The following CNGB3 variants were observed in gnomAD, a reference collection of about 807,000 sequenced individuals.
CNGB3 encodes the protein cyclic nucleotide-gated channel beta-3.
In CNGB3, 86 loss-of-function variants were observed where a neutral mutation model predicts 92.8. That is an observed-to-expected ratio of 0.93 (90% CI 0.78 to 1.11). The LOEUF is 1.11. Ranked by LOEUF, CNGB3 falls within the 50% of genes least tolerant of loss-of-function variation. The pLI, the probability that CNGB3 is intolerant of heterozygous loss-of-function variation, is 0.00. For synonymous variants in CNGB3, 333 were observed against 332.7 expected (o/e 1.00, Z -0.01); for missense variants, 1,026 against 956.8 (o/e 1.07, Z -0.95).
chr8:86,615,347 G>C (rs114113069), intron 13 of CNGB3, among the ~76,000 whole-genome samples: 1 of 152,104 alleles, frequency 6.6e-6, no homozygotes, highest in East Asian at 1.9e-4. Context: ...GCTCACACCT[G>C]TAATCCCAGA....
At chr8:86,586,671 A>AT (rs1018402837) in intron 15 of CNGB3, among the ~76,000 whole-genome samples, 4 of 151,128 alleles carry the variant, frequency 2.6e-5, no homozygotes, top group South Asian at 2.1e-4. Flanking sequence ...TGAATTCATC[A>AT]TTTTTTATGG....
chr8:86,643,696 T>A, intron 10 of CNGB3, 55 bp downstream of exon 10: 2 of 1,574,044 alleles, frequency 1.3e-6, no homozygotes, highest in South Asian at 1.1e-5. Flanking sequence ...ATTCATACAA[T>A]GAAACAGAAT....
At chr8:86,715,266 C>T (rs988452158) in intron 3 of CNGB3, among the ~76,000 whole-genome samples, 3 of 152,130 alleles carry the variant, frequency 2.0e-5, no homozygotes, top group African/African-American at 7.2e-5. Flanking sequence ...GAAAAAAATA[C>T]AACCAAAGAC....
chr8:86,606,526 T>C (rs1293341150), intron 14 of CNGB3, among the ~76,000 whole-genome samples: 1 of 152,222 alleles, frequency 6.6e-6, no homozygotes, highest in African/African-American at 2.4e-5. Context: ...GGATCTTATA[T>C]TTATTTACAT....
chr8:86,658,721 T>C, intron 6 of CNGB3: 1 of 454,384 alleles, frequency 2.2e-6, no homozygotes, highest in East Asian at 4.9e-5. Context: ...GCTCCGACTG[T>C]GGTGTGCTGG....
At chr8:86,661,765 G>A (rs2131610404) in intron 6 of CNGB3, 1 of 1,589,492 alleles carries the variant, frequency 6.3e-7, no homozygotes, top group Non-Finnish European at 8.6e-7. Context: ...TGCTTAGGAA[G>A]GTTATATAAT....
chr8:86,599,278 A>G (rs1822239717), intron 15 of CNGB3, among the ~76,000 whole-genome samples: 1 of 152,186 alleles, frequency 6.6e-6, no homozygotes, highest in Non-Finnish European at 1.5e-5. Context: ...GCTTGTCTTT[A>G]CTTTAATCTC....
chr8:86,663,405 C>G (rs765849828), intron 6 of CNGB3, among the ~76,000 whole-genome samples: 3 of 152,142 alleles, frequency 2.0e-5, no homozygotes, highest in Non-Finnish European at 4.4e-5. Context: ...TTTGTAGCAC[C>G]ACTTTTAGGA....
intron 3 of CNGB3, among the ~76,000 whole-genome samples, chr8:86,694,073 G>C (rs1411080687): frequency 1.7e-4 from 21 of 124,426 alleles, no homozygotes; most frequent in South Asian, 3.4e-4. Context: ...GCCGGGCGGG[G>C]GGGCTGACCC....
chr8:86,683,567 C>T (rs1217609566), intron 3 of CNGB3, among the ~76,000 whole-genome samples: 3 of 152,106 alleles, frequency 2.0e-5, no homozygotes, highest in Admixed American at 1.3e-4. Context: ...ATGGTAATAA[C>T]TTTTCTTTTT....
intron 3 of CNGB3, among the ~76,000 whole-genome samples, chr8:86,694,179 C>A (rs1308643272): frequency 8.3e-6 from 1 of 121,154 alleles, no homozygotes; most frequent in Admixed American, 7.8e-5. Context: ...GGGGGGCTGA[C>A]CCCCCCCACC....
In CNGB3 at chr8:86,575,917, T is replaced by C; in HGVS notation, c.2317A>G (p.Thr773Ala). 1 of 1,613,936 alleles carries C rather than the reference T, an allele frequency of 6.2e-7. No individual in the cohort carries two copies. The highest frequency in any genetic ancestry group is 1.1e-5 in the South Asian group (1 of 90,970). ...CGAGAAGTCCCTCTGGGTAAAACTG[T>C]CCTTCTAACTGAGTGGGGTTCTTCC... ...VEEEPHSVRR[T>A]VLPRGTSRQS... The change falls in exon 18 of 18, where the codon ACA (threonine) becomes GCA (alanine). Residue 773 changes from threonine (T) to alanine (A), a missense_variant. Coordinates refer to ENST00000320005, the MANE Select transcript of CNGB3 (RefSeq NM_019098.5).
At chr8:86,680,667 G>A (rs12548374) in intron 3 of CNGB3, among the ~76,000 whole-genome samples, 15,158 of 152,146 alleles carry the variant, frequency 0.1, 921 homozygotes, top group Admixed American at 0.21. Flanking sequence ...AGGAATGGGG[G>A]ACTCTATGCC....
chr8:86,694,075 G>T (rs1401916595), intron 3 of CNGB3, among the ~76,000 whole-genome samples: 13 of 116,746 alleles, frequency 1.1e-4, no homozygotes, highest in South Asian at 3.8e-4. Flanking sequence ...CGGGCGGGGG[G>T]GCTGACCCCC....
At chr8:86,676,178 A>C (rs975267822) in intron 3 of CNGB3, among the ~76,000 whole-genome samples, 1 of 152,214 alleles carries the variant, frequency 6.6e-6, no homozygotes, top group African/African-American at 2.4e-5. Context: ...CGCAGGGATA[A>C]CATATTCTCT....
At chr8:86,674,013 A>G (rs778025447) in intron 3 of CNGB3, among the ~76,000 whole-genome samples, 1 of 152,238 alleles carries the variant, frequency 6.6e-6, no homozygotes, top group Non-Finnish European at 1.5e-5. Flanking sequence ...ATACTCCATA[A>G]GATCAGCACA....
At chr8:86,622,928 C>A (rs1822769164) in intron 13 of CNGB3, among the ~76,000 whole-genome samples, 1 of 152,102 alleles carries the variant, frequency 6.6e-6, no homozygotes, top group African/African-American at 2.4e-5. Flanking sequence ...CTAGCACAGG[C>A]CATAGCTAAG....
chr8:86,615,130 G>A (rs553131666), intron 13 of CNGB3, among the ~76,000 whole-genome samples: 1 of 152,268 alleles, frequency 6.6e-6, no homozygotes, highest in Non-Finnish European at 1.5e-5. Flanking sequence ...TAGGTGATAT[G>A]CAAATACTAT....
intron 6 of CNGB3, chr8:86,658,485 C>T: frequency 2.4e-6 from 1 of 408,736 alleles, no homozygotes; most frequent in East Asian, 5.8e-5. Context: ...CACGACTTTG[C>T]CCTGAGCTTC....
Sources: gnomAD v4.1 joint callset for allele counts (sites outside exome capture counted in the v4.1 genomes callset) on GRCh38, gnomAD v4.1.1 for gene constraint, MANE v1.5 for transcripts, NCBI Gene and HGNC (gene_info 2026-07-23, HGNC 2026-07-21) for gene names.